The following TRIO variants were observed in gnomAD, a reference collection of about 807,000 sequenced individuals.
TRIO encodes triple functional domain protein.
TRIO carries 58 observed loss-of-function variants against 351.9 expected under a neutral mutation model. The observed-to-expected ratio is 0.16, with a 90% CI of 0.13 to 0.21. TRIO has a LOEUF of 0.21. Ranked by LOEUF, TRIO falls within the 10% of genes least tolerant of loss-of-function variation. The pLI is 1.00. For missense variants in TRIO, 3,201 were observed against 4,027.8 expected, an observed-to-expected ratio of 0.79 and a Z score of 5.56; for synonymous variants, 1,758 against 1,595.7, an observed-to-expected ratio of 1.10 and a Z score of -2.42.
In TRIO at chr5:14,290,691, C is replaced by A. The variant is rs376936053; in HGVS notation, c.541-25C>A. The stretch of plus-strand genomic sequence containing the variant: ...ACTATATAAAATTGGTTCATCTTCT[C>A]ATACGTGATTTTTTTTCCCTTAAGA... On this transcript the variant is annotated intron_variant, in intron 4 of 56. Transcript: ENST00000344204. The A allele has an allele frequency of 8.3e-6, 13 of 1,566,940 alleles. No homozygotes were observed. The African/African-American group carries it at 1.6e-4, about 20-fold the overall frequency.
At position 14,403,333 on chromosome 5, in the gene TRIO, TGTG is replaced by T. The variant is rs770641949; in HGVS notation, c.4716+2273_4716+2275del. On this transcript the variant is annotated intron_variant, in intron 31 of 56. Coordinates refer to ENST00000344204, the MANE Select transcript of TRIO (RefSeq NM_007118.4). ...AGGTTGTGGTGGTGAGGGTGTAGGT[TGTG>T]GTGAGGGTGCAGCTTGTGAGGGTGC... Among the ~76,000 whole-genome samples the T allele has an allele frequency of 7.6e-4, 30 of 39,440 alleles. No homozygotes were observed. The South Asian group carries it at 0.014, about 18-fold the overall frequency. 25.9% of individuals were successfully genotyped at this position (39,440 alleles called of 152,430 possible). A position where few individuals can be genotyped will look rare whatever the true frequency, so the allele number is the denominator to read the frequency against.
chr5:14,416,822 G>C (rs1256465219), intron 33 of TRIO, among the ~76,000 whole-genome samples: 1 of 152,056 alleles, frequency 6.6e-6, no homozygotes, highest in Non-Finnish European at 1.5e-5. Flanking sequence ...GAGGCAGCCA[G>C]AGGGCAGGTG....
intron 11 of TRIO, among the ~76,000 whole-genome samples, chr5:14,355,503 T>C (rs913050092): frequency 2.0e-5 from 3 of 152,224 alleles, no homozygotes; most frequent in African/African-American, 7.2e-5. Context: ...CTGAGAAATT[T>C]AAGTGATCTT....
At chr5:14,235,485 T>C (rs1045592205) in intron 1 of TRIO, among the ~76,000 whole-genome samples, 12 of 152,226 alleles carry the variant, frequency 7.9e-5, no homozygotes, top group African/African-American at 2.4e-4. Flanking sequence ...ACAATAAATA[T>C]GTCTGTCATA....
At chr5:14,318,454 C>CA (rs35221462) in intron 9 of TRIO, among the ~76,000 whole-genome samples, 3,456 of 115,424 alleles carry the variant, frequency 0.03, 166 homozygotes, top group African/African-American at 0.1. Flanking sequence ...GACTCCATCT[C>CA]AAAAAAAAAA....
chr5:14,162,843 C>A (rs557206372), intron 1 of TRIO, among the ~76,000 whole-genome samples: 1 of 152,162 alleles, frequency 6.6e-6, no homozygotes, highest in East Asian at 1.9e-4. Context: ...GTCTCTCTCT[C>A]TTGCCCAGGC....
chr5:14,345,664 A>G (rs953349235), intron 11 of TRIO, among the ~76,000 whole-genome samples: 2 of 152,122 alleles, frequency 1.3e-5, no homozygotes, highest in African/African-American at 4.8e-5. Context: ...AGGTTCAAGC[A>G]GTTCTCCTGC....
intron 1 of TRIO, among the ~76,000 whole-genome samples, chr5:14,174,625 A>G (rs992026361): frequency 3.9e-5 from 6 of 152,348 alleles, no homozygotes; most frequent in Non-Finnish European, 7.3e-5. Context: ...CCTTGCCCCA[A>G]GAAGATTCTG....
At chr5:14,478,786 C>CAA (rs1187243670) in intron 41 of TRIO, among the ~76,000 whole-genome samples, 3,548 of 94,824 alleles carry the variant, frequency 0.037, 167 homozygotes, top group African/African-American at 0.12. Flanking sequence ...TCCATCCCTA[C>CAA]AAAAAAAAAA....
At chr5:14,429,215 T>A (rs1750895771) in intron 34 of TRIO, among the ~76,000 whole-genome samples, 1 of 152,158 alleles carries the variant, frequency 6.6e-6, no homozygotes, top group African/African-American at 2.4e-5. Flanking sequence ...GGTCTAAACT[T>A]GTTTTCTGAT....
Position 14,290,872 on chromosome 5 carries a change from C to G in TRIO, c.697C>G (p.Arg233Gly). 6.2e-7 allele frequency: 1 copy of G among 1,614,124 alleles called. No individual in the cohort carries two copies. The highest frequency in any genetic ancestry group is 1.1e-5 in the South Asian group (1 of 91,066). ...YISNATHMLS[R>G]LEELQDILAK... ...TAGCAATGCCACCCACATGCTGTCTCGGCTGGAGGAACTTCAGGACATCCT... is the reference window on the plus strand; with the variant it reads ...TAGCAATGCCACCCACATGCTGTCTGGGCTGGAGGAACTTCAGGACATCCT... Residue 233 changes from arginine (R) to glycine (G), a missense_variant, in exon 5 of 57, where the codon CGG becomes GGG. By Grantham distance (125) the Arg-to-Gly change is moderately radical (BLOSUM62 -2). Around this residue, in one of 19 missense-constraint regions of TRIO, gnomAD observed 349 missense variants for 449.3 expected, o/e 0.78. Transcript: ENST00000344204.
Position 14,498,632 on chromosome 5 carries a change from G to A in TRIO, c.8324G>A (p.Arg2775Lys). The change falls in exon 53 of 57, where the codon AGG becomes AAG. Residue 2775 changes from arginine to lysine, a missense_variant. Around this residue, in one of 19 missense-constraint regions of TRIO, gnomAD observed 1,089 missense variants for 954.9 expected, o/e 1.14. Transcript: ENST00000344204. ...TCAGCCTCATCGTCGGCCAGCCTGA[G>A]GGTCCTAGGTAAGCACCGTGCAACG... ...MGSASSSASL[R>K]VLGPGMDGIM... 1 of 1,613,934 alleles carries A rather than the reference G, an allele frequency of 6.2e-7. No homozygotes were observed. Among genetic ancestry groups the A allele is most frequent in the Non-Finnish European group, 8.5e-7 (1 of 1,179,780 alleles).
At position 14,397,026 on chromosome 5, in the gene TRIO, G is replaced by C; in HGVS notation, c.4312-17G>C. On this transcript the variant is annotated splice_polypyrimidine_tract_variant and intron_variant, in intron 28 of 56. Transcript: ENST00000344204. ...ATTCTGCAGTCTTTACCTAGTTTCT[G>C]TTGTTTATCTTTGCAGGAGCTGCTG... The C allele has an allele frequency of 8.2e-6, 13 of 1,587,404 alleles. No homozygotes were observed. The highest frequency in any genetic ancestry group is 1.3e-5 in the African/African-American group (1 of 74,872).
chr5:14,481,926 T>G (rs1018044984), intron 45 of TRIO: 5 of 315,322 alleles, frequency 1.6e-5, no homozygotes, highest in African/African-American at 1.1e-4. Context: ...CCTCAGCACT[T>G]AAGACCATGG....
chr5:14,209,205 C>T (rs1428757013), intron 1 of TRIO, among the ~76,000 whole-genome samples: 1 of 152,192 alleles, frequency 6.6e-6, no homozygotes, highest in Non-Finnish European at 1.5e-5. Context: ...AGAGCCCTAT[C>T]TGCTAAAATG....
At chr5:14,434,692 C>G (rs1482098479) in intron 34 of TRIO, among the ~76,000 whole-genome samples, 2 of 152,188 alleles carry the variant, frequency 1.3e-5, no homozygotes, top group African/African-American at 4.8e-5. Context: ...TTCATGTCCT[C>G]TCTCTGGCTT....
chr5:14,399,738 C>T (rs558805169), intron 30 of TRIO, among the ~76,000 whole-genome samples: 4 of 152,316 alleles, frequency 2.6e-5, no homozygotes, highest in South Asian at 2.1e-4. Flanking sequence ...TTACCAGCCT[C>T]CCCAAGGGCA....
At chr5:14,390,460 T>C (rs1423750492) in intron 26 of TRIO, 160 bp downstream of exon 26, 2 of 673,818 alleles carry the variant, frequency 3.0e-6, no homozygotes, top group Non-Finnish European at 5.0e-6. Context: ...CTTCAACTAA[T>C]TGTTTTTGTG....
chr5:14,249,560 C>T (rs531759287), intron 1 of TRIO, among the ~76,000 whole-genome samples: 2 of 152,108 alleles, frequency 1.3e-5, no homozygotes, highest in East Asian at 3.8e-4. Flanking sequence ...GCAGCTGGTC[C>T]GACCCCTTGG....
Sources: allele counts gnomAD v4.1 joint callset (sites outside exome capture counted in the v4.1 genomes callset), GRCh38; gene constraint gnomAD v4.1.1; regional missense constraint gnomAD v4.1.1; transcripts MANE v1.5; gene names NCBI Gene and HGNC (gene_info 2026-07-23, HGNC 2026-07-21).